ROBO1: variants seen among roughly 807,000 people sequenced by gnomAD.
ROBO1 encodes roundabout guidance receptor 1, also known as roundabout homolog 1.
A neutral mutation model predicts 195.9 loss-of-function variants in ROBO1; 149 were observed. The ratio of observed to expected loss-of-function variants is 0.76; its 90% CI spans 0.67 to 0.87. The LOEUF is 0.87. Among genes scored for constraint, ROBO1 ranks in the 40% least tolerant of loss-of-function variants. ROBO1 has a pLI of 0.00. For missense variants in ROBO1, 1,933 were observed against 2,068.3 expected, an observed-to-expected ratio of 0.93 and a Z score of 1.27; for synonymous variants, 816 against 733.2, an observed-to-expected ratio of 1.11 and a Z score of -1.82.
chr3:79,026,043 T>G (rs1336079838), intron 3 of ROBO1, among the ~76,000 whole-genome samples: 2 of 152,204 alleles, frequency 1.3e-5, no homozygotes, highest in African/African-American at 4.8e-5. Context: ...GTCATTATTG[T>G]ATTACATGTT....
intron 1 of ROBO1, among the ~76,000 whole-genome samples, chr3:79,714,686 C>A (rs548988716): frequency 9.8e-4 from 149 of 152,008 alleles, no homozygotes; most frequent in African/African-American, 3.4e-3. Context: ...ATGATGAGTT[C>A]ATGTCCTTTG....
intron 3 of ROBO1, among the ~76,000 whole-genome samples, chr3:79,031,564 G>A (rs189116825): frequency 2.0e-5 from 3 of 152,308 alleles, no homozygotes; most frequent in African/African-American, 7.2e-5. Flanking sequence ...GACTAGCTGG[G>A]TGATGGTGGG....
chr3:79,111,346 C>A (rs536263836), intron 3 of ROBO1, among the ~76,000 whole-genome samples: 2 of 152,206 alleles, frequency 1.3e-5, no homozygotes, highest in Admixed American at 6.5e-5. Context: ...ATGCGCAGGG[C>A]TCTGAAAACT....
intron 4 of ROBO1, among the ~76,000 whole-genome samples, chr3:78,868,380 GAAAA>G (rs5850400): frequency 9.3e-5 from 14 of 150,028 alleles, no homozygotes; most frequent in African/African-American, 3.4e-4. Flanking sequence ...AATTGAAAAA[GAAAA>G]AAAAAGACTA....
chr3:78,804,646 T>G (rs1351233003), intron 4 of ROBO1, among the ~76,000 whole-genome samples: 2 of 151,622 alleles, frequency 1.3e-5, no homozygotes, highest in African/African-American at 2.4e-5. Flanking sequence ...GCAGACTTCT[T>G]ATTTTCATTA....
intron 2 of ROBO1, among the ~76,000 whole-genome samples, chr3:79,261,480 T>A (rs2082936882): frequency 1.3e-5 from 2 of 151,370 alleles, no homozygotes; most frequent in African/African-American, 4.9e-5. Context: ...ATATATTCAG[T>A]TGTTGTATAT....
At chr3:79,091,158 GCT>G (rs896130459) in intron 3 of ROBO1, among the ~76,000 whole-genome samples, 5 of 152,046 alleles carry the variant, frequency 3.3e-5, no homozygotes, top group African/African-American at 1.2e-4. Context: ...ACAAAATTTT[GCT>G]GGGAAAAAAT....
At chr3:78,768,189 C>T (rs1285447713) in intron 4 of ROBO1, among the ~76,000 whole-genome samples, 2 of 151,894 alleles carry the variant, frequency 1.3e-5, no homozygotes, top group Non-Finnish European at 2.9e-5. Context: ...ACCAAATGCT[C>T]ATTCAGGAGC....
chr3:79,576,072 C>T (rs1330642980), intron 2 of ROBO1, among the ~76,000 whole-genome samples: 1 of 151,938 alleles, frequency 6.6e-6, no homozygotes, highest in African/African-American at 2.4e-5. Context: ...CTCTATACAG[C>T]TTAAAATTTT....
intron 2 of ROBO1, among the ~76,000 whole-genome samples, chr3:79,570,168 G>A (rs1943232218): frequency 6.6e-6 from 1 of 151,724 alleles, no homozygotes; most frequent in Non-Finnish European, 1.5e-5. Context: ...ACTAGACTTA[G>A]TATTTAAATA....
At chr3:78,680,252 C>A (rs2080862247) in intron 10 of ROBO1, among the ~76,000 whole-genome samples, 1 of 152,108 alleles carries the variant, frequency 6.6e-6, no homozygotes, top group Non-Finnish European at 1.5e-5. Flanking sequence ...TAGGCATTAC[C>A]ATTCAGGACA....
intron 2 of ROBO1, among the ~76,000 whole-genome samples, chr3:79,386,884 T>C (rs999197547): frequency 2.6e-5 from 4 of 151,762 alleles, no homozygotes; most frequent in Non-Finnish European, 5.9e-5. Flanking sequence ...TCCTAACTTA[T>C]TGTTATTTTG....
At chr3:78,931,431 A>G (rs1419139252) in intron 4 of ROBO1, among the ~76,000 whole-genome samples, 1 of 151,644 alleles carries the variant, frequency 6.6e-6, no homozygotes. Flanking sequence ...TTTTCAGTGG[A>G]GACGGAGTTT....
In ROBO1 at chr3:78,662,189, CTG is replaced by C. The variant is rs367645447; in HGVS notation, c.1967-77_1967-76del. The C allele has an allele frequency of 8.1e-4, 1,139 of 1,409,362 alleles. 9 individuals carry two copies. In the African/African-American group the frequency reaches 0.015, roughly 19 times the overall value. The allele number at this position is 1,409,362 out of a possible 1,614,324, so 87.3% of individuals were successfully genotyped here. On this transcript the variant is annotated intron_variant, in intron 14 of 30. Transcript: ENST00000464233. Reference sequence around the variant, plus strand: ...CGGAATGAAAGCATGGTGAAACAAACTGTTCATTCATAGCAACTCTCAGTAAA... The same window carrying C: ...CGGAATGAAAGCATGGTGAAACAAACTTCATTCATAGCAACTCTCAGTAAA...
chr3:78,860,326 A>ATATATATATTTTT (rs376853384), intron 4 of ROBO1, among the ~76,000 whole-genome samples: 22 of 93,520 alleles, frequency 2.4e-4, no homozygotes, highest in African/African-American at 9.4e-4. Context: ...ATATATATAT[A>ATATATATATTTTT]TTTTTTTTTT....
chr3:79,590,746 AAAGT>A (rs1206460826), intron 1 of ROBO1, among the ~76,000 whole-genome samples: 2 of 151,770 alleles, frequency 1.3e-5, no homozygotes, highest in East Asian at 1.9e-4. Flanking sequence ...CCAAATTTTC[AAAGT>A]AAGATGGTAT....
At chr3:78,881,843 A>G (rs1020201688) in intron 4 of ROBO1, among the ~76,000 whole-genome samples, 1 of 152,200 alleles carries the variant, frequency 6.6e-6, no homozygotes, top group African/African-American at 2.4e-5. Context: ...TCAATTTTGT[A>G]TAAGAATTAC....
intron 1 of ROBO1, among the ~76,000 whole-genome samples, chr3:79,734,759 C>T (rs1243450768): frequency 1.3e-5 from 2 of 150,734 alleles, no homozygotes; most frequent in Non-Finnish European, 3.0e-5. Context: ...CGTCAAACTC[C>T]GTTTTTCTAA....
At chr3:79,393,300 A>G (rs1247765987) in intron 2 of ROBO1, among the ~76,000 whole-genome samples, 2 of 152,210 alleles carry the variant, frequency 1.3e-5, no homozygotes, top group African/African-American at 4.8e-5. Context: ...CTCCTACTGA[A>G]GAGGATATCA....
Sources: allele counts gnomAD v4.1 joint callset (sites outside exome capture counted in the v4.1 genomes callset), GRCh38; gene constraint gnomAD v4.1.1; transcripts MANE v1.5; gene names NCBI Gene and HGNC (gene_info 2026-07-23, HGNC 2026-07-21).